NAALADL2: variants seen among roughly 807,000 people sequenced by gnomAD.
The protein encoded by NAALADL2 is inactive N-acetylated-alpha-linked acidic dipeptidase-like protein 2.
A neutral mutation model predicts 87.2 loss-of-function variants in NAALADL2; 76 were observed. That is an observed-to-expected ratio of 0.87 (90% CI 0.72 to 1.05). The LOEUF (loss-of-function observed/expected upper bound fraction) is 1.05. Among genes scored for constraint, NAALADL2 ranks in the 50% least tolerant of loss-of-function variants. NAALADL2 has a pLI of 0.00. For missense variants in NAALADL2, 1,089 were observed against 945.8 expected (o/e 1.15, Z -1.99); for synonymous variants, 354 against 331.0 (o/e 1.07, Z -0.75).
At chr3:175,674,964 A>G (rs1363097817) in intron 11 of NAALADL2, 1 of 152,224 alleles carries the variant, frequency 6.6e-6, no homozygotes, top group Non-Finnish European at 1.5e-5. Context: ...TAATACTGCT[A>G]CATGCCATTA....
At chr3:174,716,167 C>A (rs555355168) in intron 2 of NAALADL2, among the ~76,000 whole-genome samples, 1 of 152,088 alleles carries the variant, frequency 6.6e-6, no homozygotes, top group South Asian at 2.1e-4. Flanking sequence ...ATATCATCCT[C>A]TATTGGGAAA....
At chr3:174,627,629 A>C (rs1398129379) in intron 2 of NAALADL2, among the ~76,000 whole-genome samples, 1 of 152,210 alleles carries the variant, frequency 6.6e-6, no homozygotes. Context: ...ATTAAAAGAC[A>C]CCTGCACGTG....
intron 3 of NAALADL2, among the ~76,000 whole-genome samples, chr3:174,825,298 C>CT (rs1553865958): frequency 6.6e-6 from 1 of 152,120 alleles, no homozygotes; most frequent in Non-Finnish European, 1.5e-5. Context: ...CAGTCCAAGG[C>CT]CTAAGGCCTG....
intron 10 of NAALADL2, among the ~76,000 whole-genome samples, chr3:175,606,091 A>G (rs1723695779): frequency 1.3e-5 from 2 of 152,204 alleles, no homozygotes; most frequent in African/African-American, 4.8e-5. Context: ...CAGAAGGGAC[A>G]AAGGGAAAGG....
At position 175,639,318 on chromosome 3, in the gene NAALADL2, C is replaced by CTTTTTTTTTTT. The variant is rs756214274; in HGVS notation, c.1896+11942_1896+11952dup. Among the ~76,000 whole-genome samples the CTTTTTTTTTTT allele has an allele frequency of 1.7e-3, 189 of 108,714 alleles. 13 individuals are homozygous for CTTTTTTTTTTT. Among genetic ancestry groups the CTTTTTTTTTTT allele is most frequent in the African/African-American group, 5.7e-3 (137 of 24,166 alleles). 71.3% of individuals were successfully genotyped at this position (108,714 alleles called of 152,430 possible). ...GCAGTTTTTTTTCAAAAGCGTTATT[C>CTTTTTTTTTTT]TTTTTTTTTTTTTTTTTTTTGAGAC... is the stretch of plus-strand genomic sequence containing the variant. On this transcript the variant is annotated intron_variant, in intron 11 of 13. Coordinates refer to ENST00000454872, the MANE Select transcript of NAALADL2 (RefSeq NM_207015.3).
chr3:174,708,212 G>A (rs1227084261), intron 2 of NAALADL2, among the ~76,000 whole-genome samples: 1 of 152,092 alleles, frequency 6.6e-6, no homozygotes, highest in Non-Finnish European at 1.5e-5. Flanking sequence ...ATCTGTCAAT[G>A]GGAAGCTATG....
At chr3:175,550,945 A>G (rs1714239722) in intron 9 of NAALADL2, among the ~76,000 whole-genome samples, 1 of 152,234 alleles carries the variant, frequency 6.6e-6, no homozygotes, top group South Asian at 2.1e-4. Flanking sequence ...ATGTTATGAT[A>G]GGATTCAAGG....
At chr3:175,753,323 C>T (rs531894644) in intron 12 of NAALADL2, among the ~76,000 whole-genome samples, 42 of 152,200 alleles carry the variant, frequency 2.8e-4, no homozygotes, top group Admixed American at 7.9e-4. Flanking sequence ...GTAATCCTAC[C>T]TATGAATCTC....
intron 4 of NAALADL2, among the ~76,000 whole-genome samples, chr3:175,260,024 T>C (rs763249077): frequency 5.3e-4 from 80 of 151,718 alleles, no homozygotes; most frequent in Non-Finnish European, 9.6e-4. Flanking sequence ...TGAAACTCCA[T>C]TAAAAAAAAA....
intron 5 of NAALADL2, among the ~76,000 whole-genome samples, chr3:175,435,061 A>G (rs975907739): frequency 1.3e-5 from 2 of 152,038 alleles, no homozygotes; most frequent in African/African-American, 2.4e-5. Context: ...ATTATCATAT[A>G]TACAATTTTT....
chr3:174,851,979 T>A (rs1579204962), intron 3 of NAALADL2, among the ~76,000 whole-genome samples: 1 of 152,246 alleles, frequency 6.6e-6, no homozygotes, highest in Non-Finnish European at 1.5e-5. Context: ...AGAAAATCTA[T>A]ATGATCCTTT....
chr3:174,766,075 T>C (rs963381035), intron 3 of NAALADL2, among the ~76,000 whole-genome samples: 1 of 152,214 alleles, frequency 6.6e-6, no homozygotes, highest in Non-Finnish European at 1.5e-5. Context: ...AGATGATTAA[T>C]GTGTTTCATT....
chr3:175,280,105 T>A (rs571481795), intron 4 of NAALADL2, among the ~76,000 whole-genome samples: 1 of 152,152 alleles, frequency 6.6e-6, no homozygotes, highest in South Asian at 2.1e-4. Context: ...CACATTCATC[T>A]GTTTATTTCT....
At chr3:175,478,083 C>G (rs922914681) in intron 9 of NAALADL2, among the ~76,000 whole-genome samples, 3 of 151,996 alleles carry the variant, frequency 2.0e-5, no homozygotes, top group Non-Finnish European at 4.4e-5. Flanking sequence ...GTTAACTTGT[C>G]TTTCATGACA....
At chr3:175,763,344 C>A (rs924681953) in intron 13 of NAALADL2, among the ~76,000 whole-genome samples, 4 of 151,982 alleles carry the variant, frequency 2.6e-5, no homozygotes, top group African/African-American at 9.7e-5. Context: ...AATTTAATAT[C>A]TTTTAAAAAA....
intron 3 of NAALADL2, among the ~76,000 whole-genome samples, chr3:174,774,017 T>C (rs1714899651): frequency 6.6e-6 from 1 of 152,128 alleles, no homozygotes; most frequent in South Asian, 2.1e-4. Context: ...TAAGACCTCT[T>C]CCATTGGGTA....
At chr3:175,414,449 T>A (rs923943420) in intron 5 of NAALADL2, among the ~76,000 whole-genome samples, 6 of 152,322 alleles carry the variant, frequency 3.9e-5, no homozygotes, top group South Asian at 4.1e-4. Flanking sequence ...AGACTACTGA[T>A]CTATATACTT....
At chr3:175,773,294 G>A (rs1359378340) in intron 13 of NAALADL2, 1 of 152,048 alleles carries the variant, frequency 6.6e-6, no homozygotes, top group African/African-American at 2.4e-5. Context: ...ACTACAGATG[G>A]TTTGCTGCTG....
At position 175,591,980 on chromosome 3, in the gene NAALADL2, A is replaced by T. The variant is rs143178077; in HGVS notation, c.1800+15793A>T. Reference sequence around the variant, plus strand: ...GTAGCTATCAAATGATAAATCAGAGAGGTAGTCATTTCAGCAGAGAGCAGG... The same window carrying T: ...GTAGCTATCAAATGATAAATCAGAGTGGTAGTCATTTCAGCAGAGAGCAGG... On this transcript the variant is annotated intron_variant, in intron 10 of 13. Transcript: ENST00000454872. Among the ~76,000 whole-genome samples the T allele has an allele frequency of 9.8e-3, 1,484 of 151,938 alleles. 29 individuals are homozygous for T. Among genetic ancestry groups the T allele is most frequent in the African/African-American group, 0.035 (1,429 of 41,366 alleles).
Sources: gnomAD v4.1 joint callset for allele counts (sites outside exome capture counted in the v4.1 genomes callset) on GRCh38, gnomAD v4.1.1 for gene constraint, MANE v1.5 for transcripts, NCBI Gene and HGNC (gene_info 2026-07-23, HGNC 2026-07-21) for gene names.